Variants in PPAT observed in about 807,000 individuals in gnomAD.
PPAT encodes the protein amidophosphoribosyltransferase.
In PPAT, 20 loss-of-function variants were observed where a neutral mutation model predicts 60.2. The ratio of observed to expected loss-of-function variants is 0.33; its 90% confidence interval spans 0.23 to 0.48. The LOEUF is 0.48. PPAT is among the 20% of genes least tolerant of loss of function. PPAT has a pLI of 0.99. For synonymous variants in PPAT, 194 were observed against 215.1 expected (o/e 0.90, Z 0.86); for missense variants, 349 against 629.6 (o/e 0.55, Z 4.77).
At chr4:56,433,388 G>T in intron 1 of PPAT, among the ~76,000 whole-genome samples, 1 of 128,158 alleles carries the variant, frequency 7.8e-6, no homozygotes, top group Non-Finnish European at 1.6e-5. Context: ...GGAATCAAAT[G>T]GTATTCATTA....
At chr4:56,434,406 T>C (rs1717783596) in intron 1 of PPAT, among the ~76,000 whole-genome samples, 3 of 152,254 alleles carry the variant, frequency 2.0e-5, no homozygotes, top group African/African-American at 7.2e-5. Flanking sequence ...TATTGCCTTA[T>C]GGAAACTGTA....
chr4:56,400,591 T>A, intron 8 of PPAT, 193 bp downstream of exon 8: 1 of 545,346 alleles, frequency 1.8e-6, no homozygotes, highest in Non-Finnish European at 3.0e-6. Flanking sequence ...AGTGAACCTT[T>A]TAGTGGTTTT....
Position 56,394,093 on chromosome 4 carries a change from T to C in PPAT, c.*1259A>G, listed in dbSNP as rs1430698425. 2.0e-5 allele frequency: 3 copies of C among 152,202 alleles called. No homozygotes were observed. Among genetic ancestry groups the C allele is most frequent in the African/African-American group, 4.8e-5 (2 of 41,450 alleles). 9.4% of individuals were successfully genotyped at this position (152,202 alleles called of 1,614,324 possible). A position where few individuals can be genotyped will look rare whatever the true frequency, so the allele number is the denominator to read the frequency against. On this transcript the variant is annotated 3_prime_UTR_variant, in exon 11 of 11. Transcript: ENST00000264220. ...CATAACAGAAACAAACACTTTTATG[T>C]TTAAAAATTCTTACATAAACAAAGG...
chr4:56,418,265 T>C (rs763025752), intron 1 of PPAT, among the ~76,000 whole-genome samples: 3 of 152,206 alleles, frequency 2.0e-5, no homozygotes, highest in Non-Finnish European at 4.4e-5. Context: ...GTCTCTCCAC[T>C]ACACTCTAGC....
At chr4:56,407,328 T>A (rs1326432670) in intron 2 of PPAT, among the ~76,000 whole-genome samples, 1 of 152,074 alleles carries the variant, frequency 6.6e-6, no homozygotes, top group Non-Finnish European at 1.5e-5. Context: ...TCTTTCTTTT[T>A]TTTTTTTGAG....
chr4:56,413,617 C>G (rs1411216055), intron 1 of PPAT, among the ~76,000 whole-genome samples: 1 of 152,024 alleles, frequency 6.6e-6, no homozygotes, highest in Non-Finnish European at 1.5e-5. Flanking sequence ...TGATTTAGGC[C>G]AGGCATGGTG....
At chr4:56,413,243 G>A (rs1716556763) in intron 1 of PPAT, among the ~76,000 whole-genome samples, 1 of 152,114 alleles carries the variant, frequency 6.6e-6, no homozygotes, top group South Asian at 2.1e-4. Context: ...CACAACCTCT[G>A]CTTCCCAGGT....
chr4:56,407,228 T>C (rs1716261884), intron 2 of PPAT, among the ~76,000 whole-genome samples: 1 of 152,158 alleles, frequency 6.6e-6, no homozygotes, highest in Non-Finnish European at 1.5e-5. Context: ...CCAAAGAATA[T>C]TACTTTTGAT....
chr4:56,406,682 T>G lies in PPAT; in HGVS notation c.215A>C (p.His72Pro). ...TTTCAAATTGTCTTCAGTAAAGACG[T>G]GATTTACAAGACCCATTCCCTTGAG... ...KSHKGMGLVNHVFTEDNLKKL... is the reference protein window; with the variant it reads ...KSHKGMGLVNPVFTEDNLKKL... Residue 72 changes from histidine (H) to proline (P), a missense_variant, in exon 3 of 11, where the codon CAC becomes CCC. This residue lies in a region of PPAT where 115 missense variants were observed against 174.5 expected (regional missense o/e 0.66). Transcript: ENST00000264220. The G allele has an allele frequency of 6.2e-7, 1 of 1,610,434 alleles. No homozygotes were observed. Among genetic ancestry groups the G allele is most frequent in the Non-Finnish European group, 8.5e-7 (1 of 1,176,790 alleles).
At chr4:56,416,658 A>C (rs1716765724) in intron 1 of PPAT, among the ~76,000 whole-genome samples, 1 of 152,150 alleles carries the variant, frequency 6.6e-6, no homozygotes, top group African/African-American at 2.4e-5. Context: ...TAATTTCCGA[A>C]CTTTACTCTT....
At chr4:56,435,298 G>A (rs1356884182) in intron 1 of PPAT, 52 bp downstream of exon 1, 11 of 1,607,362 alleles carry the variant, frequency 6.8e-6, no homozygotes, top group African/African-American at 5.3e-5. Context: ...TGCGGGAAGC[G>A]GCTCCGAGAG....
intron 6 of PPAT, 88 bp from the exon 7 acceptor site, chr4:56,401,569 C>T: frequency 8.4e-7 from 1 of 1,190,324 alleles, no homozygotes. Context: ...ACACAGAGTA[C>T]CTTCCCTTAG....
chr4:56,428,659 GCATTTT>G (rs1249858100), intron 1 of PPAT, among the ~76,000 whole-genome samples: 1 of 152,000 alleles, frequency 6.6e-6, no homozygotes, highest in African/African-American at 2.4e-5. Context: ...ATTCCTCTTT[GCATTTT>G]CATTTAGCAA....
chr4:56,435,424 G>T lies in PPAT; in HGVS notation c.54C>A (p.Ile18=), dbSNP rs370765017. The change falls in exon 1 of 11, where the codon ATC becomes ATA. Residue 18 remains isoleucine, a synonymous_variant. Coordinates refer to ENST00000264220, the MANE Select transcript of PPAT (RefSeq NM_002703.5). ...IREECGVFGC[I]ASGEWPTQLD... ...GCTGCGTGGGCCACTCTCCTGAGGC[G>T]ATGCACCCGAACACGCCACATTCCT... is the stretch of plus-strand genomic sequence containing the variant. 2.5e-6 allele frequency: 4 copies of T among 1,613,882 alleles called. No homozygotes were observed. In the African/African-American group the frequency reaches 5.3e-5, roughly 22 times the overall value.
At chr4:56,432,807 A>G (rs909131989) in intron 1 of PPAT, among the ~76,000 whole-genome samples, 1 of 150,374 alleles carries the variant, frequency 6.7e-6, no homozygotes, top group Non-Finnish European at 1.5e-5. Context: ...AAAAAAATCA[A>G]GAAGATAATA....
intron 8 of PPAT, chr4:56,400,256 T>C (rs1245938326): frequency 6.6e-6 from 1 of 152,372 alleles, no homozygotes; most frequent in Non-Finnish European, 1.5e-5. Flanking sequence ...ACATAAGGAA[T>C]AGTAAATATA....
rs752689448 is a variant in PPAT at position 56,435,497 on chromosome 4, G to A, written c.-20C>T. 3 of 1,612,856 alleles carry A rather than the reference G, an allele frequency of 1.9e-6. No homozygotes were observed. Among genetic ancestry groups the A allele is most frequent in the Non-Finnish European group, 1.7e-6 (2 of 1,179,944 alleles). The stretch of plus-strand genomic sequence containing the variant: ...CTCCATGTCGCCGCCGAAAGCACGT[G>A]GAAGGACCTGCCGCTGCGGCCAAGG... On this transcript the variant is annotated 5_prime_UTR_variant, in exon 1 of 11. Coordinates refer to ENST00000264220, the MANE Select transcript of PPAT (RefSeq NM_002703.5).
At chr4:56,409,123 T>C (rs753165537) in intron 1 of PPAT, among the ~76,000 whole-genome samples, 2 of 152,194 alleles carry the variant, frequency 1.3e-5, no homozygotes, top group Non-Finnish European at 2.9e-5. Flanking sequence ...GCATGCGTGA[T>C]ATAATTTGGT....
intron 9 of PPAT, among the ~76,000 whole-genome samples, chr4:56,397,736 A>C (rs993140407): frequency 2.0e-5 from 3 of 152,018 alleles, no homozygotes; most frequent in Admixed American, 1.3e-4. Context: ...ATTAAAAAAA[A>C]ATTTTTTTCA....
Sources: gnomAD v4.1 joint callset for allele counts (sites outside exome capture counted in the v4.1 genomes callset) on GRCh38, gnomAD v4.1.1 for gene constraint, gnomAD v4.1.1 regional missense constraint, MANE v1.5 for transcripts, NCBI Gene and HGNC (gene_info 2026-07-23, HGNC 2026-07-21) for gene names.